The following ITSN2 variants were observed in gnomAD, a reference collection of about 807,000 sequenced individuals.
The protein encoded by ITSN2 is intersectin 2.
ITSN2 carries 156 observed loss-of-function variants against 243.7 expected under a neutral mutation model. The ratio of observed to expected loss-of-function variants is 0.64; its 90% CI spans 0.56 to 0.73. The LOEUF is 0.73. Ranked by LOEUF, ITSN2 falls within the 30% of genes least tolerant of loss-of-function variation. ITSN2 has a pLI of 0.00. For missense variants in ITSN2, 1,801 were observed against 1,996.1 expected, an observed-to-expected ratio of 0.90 and a Z score of 1.86; for synonymous variants, 703 against 699.9, an observed-to-expected ratio of 1.00 and a Z score of -0.07.
In ITSN2 at chr2:24,211,015, G is replaced by A. The variant is rs1188049850; in HGVS notation, c.4090-68C>T. 2 of 1,481,606 alleles carry A rather than the reference G, an allele frequency of 1.3e-6. No individual in the cohort carries two copies. Among genetic ancestry groups the A allele is most frequent in the Admixed American group, 1.7e-5 (1 of 57,158 alleles). The allele number at this position is 1,481,606 out of a possible 1,614,324, so 91.8% of individuals were successfully genotyped here. A position where few individuals can be genotyped will look rare whatever the true frequency, so the allele number is the denominator to read the frequency against. On this transcript the variant is annotated intron_variant, in intron 33 of 39. Coordinates refer to ENST00000355123, the MANE Select transcript of ITSN2 (RefSeq NM_006277.3). This position sits in a 1 kb window ranked among gnomAD's most constrained non-coding sequence, Gnocchi z 4.1. ...TCACCTGCCCACCTGGACCTTCGCAGGACCGCTCCTCCAACCCCATGTTAT... is the reference window on the plus strand; with the variant it reads ...TCACCTGCCCACCTGGACCTTCGCAAGACCGCTCCTCCAACCCCATGTTAT...
chr2:24,264,594 T>G (rs549224589), intron 20 of ITSN2, among the ~76,000 whole-genome samples: 1 of 126,196 alleles, frequency 7.9e-6, no homozygotes, highest in East Asian at 2.4e-4. Flanking sequence ...TTGAAATTCA[T>G]TTTTTTGCAT....
chr2:24,210,164 A>C (rs1009575941), intron 34 of ITSN2, 131 bp from the exon 35 acceptor site: 1 of 644,938 alleles, frequency 1.6e-6, no homozygotes, highest in African/African-American at 1.8e-5. Flanking sequence ...AGAATCATTC[A>C]CTTTGCATGA....
intron 24 of ITSN2, 80 bp downstream of exon 24, chr2:24,254,287 A>G: frequency 1.1e-6 from 1 of 936,416 alleles, no homozygotes; most frequent in Non-Finnish European, 1.8e-6. Context: ...CTATGTGAAG[A>G]ACAGCAACTA....
intron 29 of ITSN2, among the ~76,000 whole-genome samples, chr2:24,236,382 C>T (rs1672152102): frequency 1.3e-5 from 2 of 152,114 alleles, no homozygotes. Context: ...CTAAATTGTA[C>T]AGAGATTCAT....
At chr2:24,222,340 C>T (rs919170938) in intron 29 of ITSN2, among the ~76,000 whole-genome samples, 20 of 151,050 alleles carry the variant, frequency 1.3e-4, no homozygotes, top group African/African-American at 4.6e-4. Flanking sequence ...TGACAAAGGG[C>T]CAGGGAAGGC....
At chr2:24,317,138 T>C (rs887131801) in intron 2 of ITSN2, among the ~76,000 whole-genome samples, 4 of 152,182 alleles carry the variant, frequency 2.6e-5, no homozygotes, top group African/African-American at 9.6e-5. Context: ...CCCAGCACTT[T>C]GGGAGGCCGA....
chr2:24,330,869 C>T (rs1288035670), intron 1 of ITSN2, among the ~76,000 whole-genome samples: 4 of 151,788 alleles, frequency 2.6e-5, no homozygotes, highest in African/African-American at 7.3e-5. Flanking sequence ...TGGGTTCACG[C>T]GATTCTCCTG....
At chr2:24,303,931 G>A in intron 8 of ITSN2, 69 bp from the exon 9 acceptor site, 1 of 1,059,810 alleles carries the variant, frequency 9.4e-7, no homozygotes, top group South Asian at 1.3e-5. Flanking sequence ...CAAATTAGCT[G>A]TATCTGTAAA....
chr2:24,210,101 G>A, intron 34 of ITSN2, 68 bp from the exon 35 acceptor site: 8 of 1,156,964 alleles, frequency 6.9e-6, no homozygotes, highest in Non-Finnish European at 9.0e-6. Flanking sequence ...TGAGAGGCCA[G>A]TGCCCTGGGC....
At chr2:24,287,029 C>G (rs1266952098) in intron 15 of ITSN2, among the ~76,000 whole-genome samples, 1 of 151,974 alleles carries the variant, frequency 6.6e-6, no homozygotes, top group Non-Finnish European at 1.5e-5. Flanking sequence ...TACAGAAGTA[C>G]AAAATTTAAA....
In ITSN2 at chr2:24,284,796, T is replaced by C; in HGVS notation, c.1911A>G (p.Leu637=). 1.2e-6 allele frequency: 2 copies of C among 1,607,774 alleles called. No individual in the cohort carries two copies. Among genetic ancestry groups the C allele is most frequent in the East Asian group, 2.2e-5 (1 of 44,792 alleles). The change falls in exon 17 of 40, where the codon CTA becomes CTG. Residue 637 remains leucine, a synonymous_variant. Transcript: ENST00000355123. ...DSVLQCLLSL[L]SCLNNLFLLL... The stretch of plus-strand genomic sequence containing the variant: ...AGAGGAAGAGGTTGTTGAGACAGCT[T>C]AGCAGAGACAAAAGGCACTGAAGAA...
At chr2:24,318,048 C>G (rs922841115) in intron 2 of ITSN2, among the ~76,000 whole-genome samples, 4 of 152,142 alleles carry the variant, frequency 2.6e-5, no homozygotes, top group Admixed American at 1.3e-4. Flanking sequence ...ACACATAGTC[C>G]CTCCCATTAA....
intron 7 of ITSN2, among the ~76,000 whole-genome samples, chr2:24,309,339 C>T (rs968629283): frequency 3.3e-5 from 5 of 152,130 alleles, no homozygotes; most frequent in Non-Finnish European, 7.3e-5. Flanking sequence ...ACTACAGTCA[C>T]ATGCCACCAC....
chr2:24,231,008 CAA>C (rs776570377), intron 29 of ITSN2, among the ~76,000 whole-genome samples: 148,972 of 152,158 alleles, frequency 0.98, 72,932 homozygotes, highest in East Asian at 0.99. Context: ...TTTGCAGGTG[CAA>C]AATCTGCCCA....
intron 23 of ITSN2, among the ~76,000 whole-genome samples, chr2:24,256,747 T>A (rs527562686): frequency 6.6e-6 from 1 of 151,682 alleles, no homozygotes; most frequent in East Asian, 1.9e-4. Flanking sequence ...AACTGAAAAA[T>A]GAACAAATAA....
At position 24,208,241 on chromosome 2, in the gene ITSN2, G is replaced by T; in HGVS notation, c.4674C>A (p.Tyr1558Ter). The T allele has an allele frequency of 6.2e-7, 1 of 1,612,188 alleles. No homozygotes were observed. The highest frequency in any genetic ancestry group is 8.5e-7 in the Non-Finnish European group (1 of 1,179,716). The change falls in exon 37 of 40, where the codon TAC becomes TAA. Residue 1558 changes from tyrosine to a stop codon, truncating the protein, a stop_gained. Transcript: ENST00000355123. LOFTEE classifies it high-confidence loss of function. ...DTEKKKREKA[Y>*]QARSQKTSGI... ...ACCCTCCGGGCACCCTGATACCTTGGTAAGCTTTCTCACGCTTCTTCTTCT... is the reference window on the plus strand; with the variant it reads ...ACCCTCCGGGCACCCTGATACCTTGTTAAGCTTTCTCACGCTTCTTCTTCT...
At chr2:24,209,797 C>G in intron 35 of ITSN2, 21 bp downstream of exon 35, 1 of 1,597,992 alleles carries the variant, frequency 6.3e-7, no homozygotes. Flanking sequence ...CTGATGCTAC[C>G]CCCAGACGCG....
chr2:24,330,436 G>T, intron 1 of ITSN2: 1 of 633,842 alleles, frequency 1.6e-6, no homozygotes, highest in South Asian at 1.4e-5. Context: ...GATGCTAAAG[G>T]AGATAAAGCC....
intron 20 of ITSN2, among the ~76,000 whole-genome samples, chr2:24,265,249 C>T (rs1159643139): frequency 6.6e-6 from 1 of 152,224 alleles, no homozygotes; most frequent in East Asian, 1.9e-4. Flanking sequence ...CACTATATAT[C>T]TTTCCATTTA....
Sources: allele counts gnomAD v4.1 joint callset (sites outside exome capture counted in the v4.1 genomes callset), GRCh38; gene constraint gnomAD v4.1.1; non-coding constraint Gnocchi (gnomAD v3.1); transcripts MANE v1.5; gene names NCBI Gene and HGNC (gene_info 2026-07-23, HGNC 2026-07-21).